The following CCR3 variants were observed in gnomAD, a reference collection of about 807,000 sequenced individuals.
The protein encoded by CCR3 is C-C chemokine receptor type 3.
For synonymous variants in CCR3, 203 were observed against 179.2 expected, an observed-to-expected ratio of 1.13 and a Z score of -1.06; for missense variants, 419 against 437.5, an observed-to-expected ratio of 0.96 and a Z score of 0.38.
At chr3:46,224,971 CCAAAAGATGTG>C (rs1699877914) in intron 2 of CCR3, among the ~76,000 whole-genome samples, 1 of 151,918 alleles carries the variant, frequency 6.6e-6, no homozygotes, top group African/African-American at 2.4e-5. Flanking sequence ...GCACATAAAC[CCAAAAGATGTG>C]TTCAAGAATG....
chr3:46,214,754 T>A (rs1699754283), intron 2 of CCR3, among the ~76,000 whole-genome samples: 1 of 152,140 alleles, frequency 6.6e-6, no homozygotes, highest in South Asian at 2.1e-4. Context: ...GGGTAATGGA[T>A]GCTGCAGGGC....
chr3:46,265,917 A>G lies in CCR3; in HGVS notation c.759A>G (p.Thr253=). 1 of 1,613,948 alleles carries G rather than the reference A, an allele frequency of 6.2e-7. No individual in the cohort carries two copies. Among genetic ancestry groups the G allele is most frequent in the South Asian group, 1.1e-5 (1 of 91,068 alleles). ...VIMAVFFIFW[T]PYNVAILLSS... ...TGGCGGTGTTTTTCATTTTCTGGAC[A>G]CCCTACAATGTGGCTATCCTTCTCT... The change falls in exon 2 of 2, where the codon ACA becomes ACG. Residue 253 remains threonine (T), a synonymous_variant. Transcript: ENST00000395940.
intron 2 of CCR3, among the ~76,000 whole-genome samples, chr3:46,218,066 A>G (rs960916528): frequency 6.6e-6 from 1 of 152,090 alleles, no homozygotes; most frequent in Non-Finnish European, 1.5e-5. Context: ...TCGATAGACC[A>G]TTAGCAAGAT....
intron 2 of CCR3, among the ~76,000 whole-genome samples, chr3:46,230,773 C>T (rs956851558): frequency 1.3e-5 from 2 of 152,140 alleles, no homozygotes; most frequent in Admixed American, 6.5e-5. Context: ...GCATTAAAGT[C>T]ATCTTTATCG....
At chr3:46,247,349 G>A (rs1160853992) in intron 1 of CCR3, among the ~76,000 whole-genome samples, 1 of 152,138 alleles carries the variant, frequency 6.6e-6, no homozygotes, top group East Asian at 1.9e-4. Context: ...GAGACTGGGG[G>A]CCTAATGAAA....
chr3:46,252,324 C>T (rs919853906), intron 1 of CCR3, among the ~76,000 whole-genome samples: 3 of 151,494 alleles, frequency 2.0e-5, no homozygotes, highest in Admixed American at 6.6e-5. Flanking sequence ...TACAGGGGTG[C>T]ACCACTACTG....
chr3:46,241,633 T>C (rs1208293143), upstream of CCR3, among the ~76,000 whole-genome samples: 1 of 152,170 alleles, frequency 6.6e-6, no homozygotes, highest in Non-Finnish European at 1.5e-5. Context: ...AGTTTAGAGA[T>C]GAAAAAGCTG....
chr3:46,246,850 G>T (rs184932384), intron 1 of CCR3, among the ~76,000 whole-genome samples: 2 of 152,036 alleles, frequency 1.3e-5, no homozygotes, highest in East Asian at 3.9e-4. Context: ...TGCTTCAAGC[G>T]GGATTAGGGG....
chr3:46,252,900 G>C (rs368170566), intron 1 of CCR3, among the ~76,000 whole-genome samples: 1 of 151,824 alleles, frequency 6.6e-6, no homozygotes, highest in South Asian at 2.1e-4. Flanking sequence ...TAGGTTGGAG[G>C]GTTACATGAC....
At chr3:46,210,772 A>C (rs1202141208) in exon 2 of CCR3, 3 of 152,130 alleles carry the variant, frequency 2.0e-5, no homozygotes, top group Non-Finnish European at 2.9e-5. Context: ...ACTCTCTCCA[A>C]ATCAGCGATG....
At chr3:46,254,590 C>T (rs2125932294) in intron 1 of CCR3, among the ~76,000 whole-genome samples, 1 of 152,242 alleles carries the variant, frequency 6.6e-6, no homozygotes, top group East Asian at 1.9e-4. Context: ...ATCACCTGAG[C>T]AGTGTGTACA....
At chr3:46,217,685 T>C (rs1699790738) in intron 2 of CCR3, among the ~76,000 whole-genome samples, 1 of 151,922 alleles carries the variant, frequency 6.6e-6, no homozygotes, top group Admixed American at 6.6e-5. Context: ...CACAAATACA[T>C]GGAAATTAAA....
At chr3:46,222,299 C>G (rs1053809139) in intron 2 of CCR3, among the ~76,000 whole-genome samples, 4 of 152,172 alleles carry the variant, frequency 2.6e-5, no homozygotes, top group African/African-American at 9.7e-5. Context: ...GATAGATGAA[C>G]TTCTAGCTAG....
intron 1 of CCR3, among the ~76,000 whole-genome samples, chr3:46,248,863 C>T (rs558752576): frequency 1.3e-4 from 20 of 152,188 alleles, no homozygotes; most frequent in Middle Eastern, 3.4e-3. Flanking sequence ...TTTGGCCCCA[C>T]GGGGTGGATA....
At chr3:46,247,252 C>T (rs1293205261) in intron 1 of CCR3, among the ~76,000 whole-genome samples, 1 of 152,004 alleles carries the variant, frequency 6.6e-6, no homozygotes, top group Admixed American at 6.5e-5. Context: ...TAGTTGAGAA[C>T]AGAGAACAGG....
At chr3:46,227,175 C>T (rs898056152) in intron 2 of CCR3, among the ~76,000 whole-genome samples, 2 of 152,104 alleles carry the variant, frequency 1.3e-5, no homozygotes, top group East Asian at 1.9e-4. Context: ...TGAGCCACCA[C>T]GCCCAGCTGA....
intron 1 of CCR3, among the ~76,000 whole-genome samples, chr3:46,255,985 T>G (rs1202914686): frequency 6.6e-6 from 1 of 152,168 alleles, no homozygotes; most frequent in East Asian, 1.9e-4. Flanking sequence ...AGGTTGTTTT[T>G]TGCAGTATGG....
chr3:46,252,881 C>G (rs1454984989), intron 1 of CCR3, among the ~76,000 whole-genome samples: 1 of 151,748 alleles, frequency 6.6e-6, no homozygotes, highest in African/African-American at 2.4e-5. Flanking sequence ...CTTTCCACTA[C>G]ATTTAAAATA....
intron 2 of CCR3, among the ~76,000 whole-genome samples, chr3:46,220,899 AGTGTACACTG>A (rs1301088112): frequency 5.3e-5 from 8 of 152,198 alleles, no homozygotes; most frequent in Non-Finnish European, 1.0e-4. Context: ...CGCTGGGTGC[AGTGTACACTG>A]CTTAGGTGAT....
Sources: gnomAD v4.1 joint callset for allele counts (sites outside exome capture counted in the v4.1 genomes callset) on GRCh38, gnomAD v4.1.1 for gene constraint, MANE v1.5 for transcripts, NCBI Gene and HGNC (gene_info 2026-07-23, HGNC 2026-07-21) for gene names.